The following ZC3H7B variants were observed in gnomAD, a reference collection of about 807,000 sequenced individuals.
ZC3H7B encodes the protein zinc finger CCCH-type containing 7B, also known as zinc finger CCCH domain-containing protein 7B.
In ZC3H7B, 35 loss-of-function variants were observed where a neutral mutation model predicts 116.0. The observed-to-expected ratio is 0.30, with a 90% confidence interval of 0.23 to 0.40. The LOEUF is 0.40. Among genes scored for constraint, ZC3H7B ranks in the 10% least tolerant of loss-of-function variants. ZC3H7B has a pLI of 1.00. For missense variants in ZC3H7B, 1,011 were observed against 1,321.5 expected, an observed-to-expected ratio of 0.77 and a Z score of 3.64; for synonymous variants, 502 against 545.6, an observed-to-expected ratio of 0.92 and a Z score of 1.11.
intron 11 of ZC3H7B, 38 bp downstream of exon 11, chr22:41,341,184 C>T: frequency 6.2e-7 from 1 of 1,612,072 alleles, no homozygotes; most frequent in South Asian, 1.1e-5. Flanking sequence ...CTCTCATTCC[C>T]TGCTGGGGGT....
chr22:41,343,414 G>A lies in ZC3H7B; in HGVS notation c.1298-1G>A. 6.2e-7 allele frequency: 1 copy of A among 1,606,068 alleles called. No individual in the cohort carries two copies. The highest frequency in any genetic ancestry group is 8.5e-7 in the Non-Finnish European group (1 of 1,174,420). On this transcript the variant is annotated splice_acceptor_variant, in intron 12 of 22. Transcript: ENST00000352645. LOFTEE classifies it high-confidence loss of function. ...ATCATGTGTGTCCACCCTGCCCATA[G>A]GCCCCCGGGCTGGCGACTACACCTA... is the stretch of plus-strand genomic sequence containing the variant.
rs1433053121 is a variant in ZC3H7B at position 41,330,032 on chromosome 22, G to A, written c.454G>A (p.Val152Met). 4 of 1,613,846 alleles carry A rather than the reference G, an allele frequency of 2.5e-6. No individual in the cohort carries two copies. Among genetic ancestry groups the A allele is most frequent in the Non-Finnish European group, 3.4e-6 (4 of 1,179,990 alleles). Residue 152 changes from valine (V) to methionine (M), a missense_variant, in exon 6 of 23, where the codon GTG becomes ATG. Val to Met is a conservative substitution (Grantham distance 21). Transcript: ENST00000352645. ...GTCTTGTCCTCTGCAGGATGAAAGC[G>A]TGACTCAGCTTGGTCAGGAGCTGGC... The part of the protein sequence containing the change: ...CSLALPHDES[V>M]TQLGQELAQK...
At chr22:41,310,558 C>T (rs1485372312) in intron 1 of ZC3H7B, among the ~76,000 whole-genome samples, 1 of 152,214 alleles carries the variant, frequency 6.6e-6, no homozygotes, top group Non-Finnish European at 1.5e-5. Context: ...GATTTCCAAG[C>T]TCCCTGGGAG....
chr22:41,324,361 C>T lies in ZC3H7B; in HGVS notation c.54-1203C>T, dbSNP rs371541481. The stretch of plus-strand genomic sequence containing the variant: ...GCGTTGCGCCTCTGCCCACCTCTCA[C>T]GCACTAGCCTAGGCCACTCTTTCCT... On this transcript the variant is annotated intron_variant, in intron 2 of 22. Transcript: ENST00000352645. Among the ~76,000 whole-genome samples, 56 of 152,350 alleles carry T rather than the reference C, an allele frequency of 3.7e-4. 4 individuals carry two copies. The South Asian group carries it at 9.7e-3, about 26-fold the overall frequency.
At chr22:41,333,865 G>A (rs1189396574) in intron 7 of ZC3H7B, 1 of 152,296 alleles carries the variant, frequency 6.6e-6, no homozygotes, top group African/African-American at 2.4e-5. Flanking sequence ...GGGCTGTGAA[G>A]GCAGAGTATG....
chr22:41,357,527 G>T lies in ZC3H7B; in HGVS notation c.*98G>T, dbSNP rs1313373187. On this transcript the variant is annotated 3_prime_UTR_variant, in exon 23 of 23. Transcript: ENST00000352645. The surrounding 1 kb of genome is among the most constrained non-coding windows in gnomAD (Gnocchi z 5.4). ...TCAGGGCAGGCCAGGGGGGTGGGGG[G>T]CCGCCCTCATCAGGCAGCCCCCAGC... The T allele has an allele frequency of 1.1e-6, 1 of 874,292 alleles. No homozygotes were observed. Among genetic ancestry groups the T allele is most frequent in the Non-Finnish European group, 1.7e-6 (1 of 602,670 alleles). 54.2% of individuals were successfully genotyped at this position (874,292 alleles called of 1,614,324 possible).
chr22:41,342,214 G>A (rs559884198), intron 11 of ZC3H7B, among the ~76,000 whole-genome samples: 1 of 152,244 alleles, frequency 6.6e-6, no homozygotes, highest in South Asian at 2.1e-4. Context: ...CTGCAATCAC[G>A]GCCCCTCCCA....
rs1370286593 is a variant in ZC3H7B, at chr22:41,320,841, G to C, written c.53+128G>C. On this transcript the variant is annotated intron_variant, in intron 2 of 22. Transcript: ENST00000352645. ...GCTGCCAAGGCTCCTGTGTGCGCTG[G>C]GGTGCGGGCAGGTGGGAGGAGCCAG... is the stretch of plus-strand genomic sequence containing the variant. The C allele has an allele frequency of 2.3e-6, 3 of 1,322,544 alleles. No homozygotes were observed. In the African/African-American group the frequency reaches 4.4e-5, roughly 19 times the overall value. The allele number at this position is 1,322,544 out of a possible 1,614,324, so 81.9% of individuals were successfully genotyped here. A position where few individuals can be genotyped will look rare whatever the true frequency, so the allele number is the denominator to read the frequency against.
At chr22:41,340,284 G>C (rs139108669) in intron 10 of ZC3H7B, 147 bp downstream of exon 10, 1 of 886,866 alleles carries the variant, frequency 1.1e-6, no homozygotes, top group Non-Finnish European at 1.7e-6. Flanking sequence ...GTGTGTTGCC[G>C]TCTCTGCAGT....
intron 6 of ZC3H7B, among the ~76,000 whole-genome samples, chr22:41,330,483 T>C (rs890096308): frequency 7.9e-5 from 12 of 152,202 alleles, no homozygotes; most frequent in African/African-American, 2.9e-4. Context: ...ATAGATTCAT[T>C]TGGTACCTGC....
chr22:41,326,737 A>T (rs2036324491), intron 4 of ZC3H7B, among the ~76,000 whole-genome samples: 1 of 152,178 alleles, frequency 6.6e-6, no homozygotes, highest in Non-Finnish European at 1.5e-5. Flanking sequence ...AGAGGACCCC[A>T]TGACACCTCT....
Position 41,353,408 on chromosome 22 carries a change from G to A in ZC3H7B, c.2034+1762G>A, listed in dbSNP as rs142434344. 2.0e-3 allele frequency among the ~76,000 whole-genome samples: 299 copies of A among 152,332 alleles called. 1 individual carries two copies. The highest frequency in any genetic ancestry group is 6.3e-3 in the African/African-American group (261 of 41,578). On this transcript the variant is annotated intron_variant, in intron 17 of 22. Transcript: ENST00000352645. The stretch of plus-strand genomic sequence containing the variant: ...GGCGGGGATCAGAACCCTGGCCCTC[G>A]TATCTCCTGGGGTGGGTGTGAGGCT...
Position 41,346,165 on chromosome 22 carries a change from A to G in ZC3H7B, c.1622A>G (p.Lys541Arg). ...AAGCGCGGCAGCCTCACCATCGCCA[A>G]GCTCCTGAAGGAGCACCAGGGCATC... ...GVKRGSLTIA[K>R]LLKEHQGIFT... The change falls in exon 14 of 23, where the codon AAG becomes AGG. Residue 541 changes from lysine to arginine, a missense_variant. Physicochemically the swap from Lys to Arg is conservative, Grantham distance 26. Transcript: ENST00000352645. This position sits in a 1 kb window ranked among gnomAD's most constrained non-coding sequence, Gnocchi z 5.3. 1 of 1,612,436 alleles carries G rather than the reference A, an allele frequency of 6.2e-7. No homozygotes were observed. Among genetic ancestry groups the G allele is most frequent in the South Asian group, 1.1e-5 (1 of 91,084 alleles).
At position 41,330,075 on chromosome 22, in the gene ZC3H7B, G is replaced by A. The variant is rs189417919; in HGVS notation, c.497G>A (p.Arg166Gln). ...GAGCTGGCCCAGAAACTGGGGCTGCGAGTTCGCAAGGCGTATAAGAGGCCC... is the reference window on the plus strand; with the variant it reads ...GAGCTGGCCCAGAAACTGGGGCTGCAAGTTCGCAAGGCGTATAAGAGGCCC... Reference protein sequence around the residue: ...GQELAQKLGLRVRKAYKRPQE... With the variant: ...GQELAQKLGLQVRKAYKRPQE... The change falls in exon 6 of 23, where the codon CGA (arginine) becomes CAA (glutamine). Residue 166 changes from arginine (R) to glutamine (Q), a missense_variant. By Grantham distance (43) the Arg-to-Gln change is conservative (BLOSUM62 1). This residue lies in a region of ZC3H7B where 322 missense variants were observed against 443.9 expected (regional missense o/e 0.73). Transcript: ENST00000352645. 1.5e-5 allele frequency: 24 copies of A among 1,613,958 alleles called. No homozygotes were observed. Among genetic ancestry groups the A allele is most frequent in the African/African-American group, 2.7e-5 (2 of 75,066 alleles).
At position 41,349,423 on chromosome 22, in the gene ZC3H7B, C is replaced by T; in HGVS notation, c.1948+122C>T. On this transcript the variant is annotated intron_variant, in intron 16 of 22. Coordinates refer to ENST00000352645, the MANE Select transcript of ZC3H7B (RefSeq NM_017590.6). The surrounding 1 kb of genome is among the most constrained non-coding windows in gnomAD (Gnocchi z 4.9). ...AGGGCCCCATGGTCGCTGGAGGGGG[C>T]TTCGGGAGAGTTCAGGAGAGGTGGC... 7.5e-7 allele frequency: 1 copy of T among 1,336,406 alleles called. No individual in the cohort carries two copies. The highest frequency in any genetic ancestry group is 2.5e-4 in the Middle Eastern group (1 of 3,922). 82.8% of individuals were successfully genotyped at this position (1,336,406 alleles called of 1,614,324 possible).
At chr22:41,322,279 C>T (rs184296866) in intron 2 of ZC3H7B, among the ~76,000 whole-genome samples, 24 of 151,998 alleles carry the variant, frequency 1.6e-4, no homozygotes, top group Admixed American at 1.6e-3. Flanking sequence ...CCTCCACCTC[C>T]CAGATTCAAG....
chr22:41,327,142 CAGGAGGCCTGG>C lies in ZC3H7B; in HGVS notation c.286-63_286-53del. ...GCTGGTGTTCCTTCCTAGGCAGGGG[CAGGAGGCCTGG>C]GGGAGGGAGGGTAACAGGTGTTGAC... On this transcript the variant is annotated intron_variant, in intron 4 of 22. Transcript: ENST00000352645. This position sits in a 1 kb window ranked among gnomAD's most constrained non-coding sequence, Gnocchi z 4.5. The C allele has an allele frequency of 3.1e-6, 5 of 1,587,422 alleles. No individual in the cohort carries two copies. In the South Asian group the frequency reaches 5.6e-5, roughly 18 times the overall value.
rs2036745999 is a variant in ZC3H7B, at chr22:41,358,193, C to G, written c.*764C>G. ...GTCCACCCACGGTCCCAGCACAAGG[C>G]AGAGCTGGGATGAAAACAGGGCTGA... On this transcript the variant is annotated 3_prime_UTR_variant, in exon 23 of 23. Coordinates refer to ENST00000352645, the MANE Select transcript of ZC3H7B (RefSeq NM_017590.6). 6.6e-6 allele frequency: 1 copy of G among 152,318 alleles called. No homozygotes were observed. 9.4% of individuals were successfully genotyped at this position (152,318 alleles called of 1,614,324 possible).
At chr22:41,308,756 G>A (rs1169619408) in intron 1 of ZC3H7B, among the ~76,000 whole-genome samples, 2 of 152,190 alleles carry the variant, frequency 1.3e-5, no homozygotes. Flanking sequence ...GAGTGGTTCT[G>A]AGACCAGCCT....
Sources: allele counts gnomAD v4.1 joint callset (sites outside exome capture counted in the v4.1 genomes callset), GRCh38; gene constraint gnomAD v4.1.1; regional missense constraint gnomAD v4.1.1; non-coding constraint Gnocchi (gnomAD v3.1); transcripts MANE v1.5; gene names NCBI Gene and HGNC (gene_info 2026-07-23, HGNC 2026-07-21).